The following WNT3 variants were observed in gnomAD, a reference collection of about 807,000 sequenced individuals.
The protein encoded by WNT3 is Wnt family member 3, also known as proto-oncogene Wnt-3.
A neutral mutation model predicts 34.2 loss-of-function variants in WNT3; 7 were observed. That is an observed-to-expected ratio of 0.20 (90% CI 0.12 to 0.38). The LOEUF (loss-of-function observed/expected upper bound fraction) is 0.38. Ranked by LOEUF, WNT3 falls within the 10% of genes least tolerant of loss-of-function variation. The probability of loss-of-function intolerance (pLI) is 1.00; values close to 1 mark genes in which losing one functional copy is unlikely to be tolerated. For synonymous variants in WNT3, 212 were observed against 211.5 expected, an observed-to-expected ratio of 1.00 and a Z score of -0.02; for missense variants, 267 against 499.8, an observed-to-expected ratio of 0.53 and a Z score of 4.44.
At chr17:46,792,473 G>A (rs73304547) in intron 1 of WNT3, among the ~76,000 whole-genome samples, 2,805 of 152,122 alleles carry the variant, frequency 0.018, 73 homozygotes, top group African/African-American at 0.062. Flanking sequence ...ACTCAGAGTG[G>A]CCATTTTATT....
intron 1 of WNT3, among the ~76,000 whole-genome samples, chr17:46,799,309 T>C (rs1471623846): frequency 6.6e-6 from 1 of 152,208 alleles, no homozygotes; most frequent in Non-Finnish European, 1.5e-5. Flanking sequence ...CAGCCTTTTC[T>C]GTTTTGGAAG....
At chr17:46,798,049 C>G (rs1033101523) in intron 1 of WNT3, among the ~76,000 whole-genome samples, 1 of 152,170 alleles carries the variant, frequency 6.6e-6, no homozygotes, top group African/African-American at 2.4e-5. Flanking sequence ...CTGCCTCAGC[C>G]TCCCGAGTAG....
chr17:46,782,638 T>A (rs1343307556), intron 1 of WNT3, among the ~76,000 whole-genome samples: 1 of 152,222 alleles, frequency 6.6e-6, no homozygotes, highest in Non-Finnish European at 1.5e-5. Flanking sequence ...CCTAGCCAGT[T>A]CAGGGGCATG....
chr17:46,801,607 G>A (rs917250378), intron 1 of WNT3, among the ~76,000 whole-genome samples: 3 of 152,134 alleles, frequency 2.0e-5, no homozygotes, highest in South Asian at 2.1e-4. Context: ...GCAACAGAGC[G>A]AGACTCTATC....
intron 2 of WNT3, among the ~76,000 whole-genome samples, chr17:46,771,058 C>T (rs2059362710): frequency 6.6e-6 from 1 of 152,344 alleles, no homozygotes; most frequent in Non-Finnish European, 1.5e-5. Flanking sequence ...CGCCCGCCTC[C>T]CCTCCTGGGC....
intron 2 of WNT3, among the ~76,000 whole-genome samples, chr17:46,771,531 C>T (rs1299229521): frequency 6.7e-6 from 1 of 148,846 alleles, no homozygotes; most frequent in Non-Finnish European, 1.5e-5. Flanking sequence ...AGCCTGGGAG[C>T]GGCGCTGACA....
chr17:46,776,920 T>A (rs1349218587), intron 1 of WNT3, among the ~76,000 whole-genome samples: 1 of 151,650 alleles, frequency 6.6e-6, no homozygotes, highest in Non-Finnish European at 1.5e-5. Context: ...TTCCTCCCCC[T>A]CTCCCAGCCC....
chr17:46,777,505 C>T (rs924377347), intron 1 of WNT3, among the ~76,000 whole-genome samples: 1 of 152,256 alleles, frequency 6.6e-6, no homozygotes, highest in Non-Finnish European at 1.5e-5. Flanking sequence ...GAGTGCTTCC[C>T]AGACATCTCC....
intron 1 of WNT3, among the ~76,000 whole-genome samples, chr17:46,786,941 C>G (rs1363272012): frequency 7.0e-6 from 1 of 142,650 alleles, no homozygotes; most frequent in Non-Finnish European, 1.5e-5. Flanking sequence ...TTTCTTTTTT[C>G]TTTTTTTTTT....
intron 1 of WNT3, among the ~76,000 whole-genome samples, chr17:46,795,295 C>T (rs2084038897): frequency 6.6e-6 from 1 of 152,212 alleles, no homozygotes; most frequent in South Asian, 2.1e-4. Context: ...GTCTCACTCC[C>T]CTGGTGTGGC....
At chr17:46,800,539 C>G (rs1349658733) in intron 1 of WNT3, among the ~76,000 whole-genome samples, 3 of 152,228 alleles carry the variant, frequency 2.0e-5, no homozygotes, top group African/African-American at 7.2e-5. Flanking sequence ...GAAGACAAGA[C>G]AGATGCACAT....
At chr17:46,773,623 T>TTCCCCC in intron 2 of WNT3, 45 bp downstream of exon 2, 3 of 383,490 alleles carry the variant, frequency 7.8e-6, no homozygotes, top group Non-Finnish European at 1.6e-5. Flanking sequence ...TCCTGATCCC[T>TTCCCCC]CCCCCCACCC....
chr17:46,801,206 G>A (rs1490751729), intron 1 of WNT3, among the ~76,000 whole-genome samples: 1 of 152,220 alleles, frequency 6.6e-6, no homozygotes, highest in Non-Finnish European at 1.5e-5. Flanking sequence ...CCAGGCCCAT[G>A]TGCTTACCCA....
intron 1 of WNT3, among the ~76,000 whole-genome samples, chr17:46,777,984 C>T (rs2059425898): frequency 6.6e-6 from 1 of 152,228 alleles, no homozygotes; most frequent in Admixed American, 6.5e-5. Context: ...TTCCTAGCTG[C>T]TGATCTCAGC....
intron 1 of WNT3, among the ~76,000 whole-genome samples, chr17:46,816,105 G>A (rs993565730): frequency 4.8e-4 from 26 of 53,626 alleles, no homozygotes; most frequent in Admixed American, 2.4e-3. Flanking sequence ...AGGCATGCGC[G>A]CGCACGTACA....
At chr17:46,798,768 G>C (rs1005600026) in intron 1 of WNT3, among the ~76,000 whole-genome samples, 5 of 152,194 alleles carry the variant, frequency 3.3e-5, no homozygotes, top group Non-Finnish European at 7.3e-5. Flanking sequence ...ATCCCTGATA[G>C]GCTGGGCGCA....
chr17:46,784,596 G>A (rs945690008), intron 1 of WNT3, among the ~76,000 whole-genome samples: 1 of 152,080 alleles, frequency 6.6e-6, no homozygotes, highest in African/African-American at 2.4e-5. Flanking sequence ...CTAGGAGGCT[G>A]GAAAGGTGGG....
chr17:46,802,501 C>G (rs572421363), intron 1 of WNT3, among the ~76,000 whole-genome samples: 2 of 152,264 alleles, frequency 1.3e-5, no homozygotes, highest in East Asian at 3.9e-4. Flanking sequence ...CTCCTGACCT[C>G]AGATGATCCA....
At chr17:46,807,744 C>T (rs2084216066) in intron 1 of WNT3, among the ~76,000 whole-genome samples, 3 of 152,106 alleles carry the variant, frequency 2.0e-5, no homozygotes, top group South Asian at 2.1e-4. Flanking sequence ...AGGCTGATGA[C>T]GGAAAACACA....
Sources: gnomAD v4.1 joint callset for allele counts (sites outside exome capture counted in the v4.1 genomes callset) on GRCh38, gnomAD v4.1.1 for gene constraint, MANE v1.5 for transcripts, NCBI Gene and HGNC (gene_info 2026-07-23, HGNC 2026-07-21) for gene names.